FRMD5: variants seen among roughly 807,000 people sequenced by gnomAD.
FRMD5 encodes FERM domain-containing protein 5.
FRMD5 carries 20 observed loss-of-function variants against 69.0 expected under a neutral mutation model. The observed-to-expected ratio is 0.29, with a 90% CI of 0.20 to 0.42. FRMD5 has a LOEUF of 0.42. Among genes scored for constraint, FRMD5 ranks in the 10% least tolerant of loss-of-function variants. FRMD5 has a pLI of 1.00. For missense variants in FRMD5, 595 were observed against 708.6 expected (o/e 0.84, Z 1.82); for synonymous variants, 271 against 260.1 (o/e 1.04, Z -0.40).
chr15:44,078,586 A>C (rs977007354), intron 1 of FRMD5, among the ~76,000 whole-genome samples: 5 of 152,184 alleles, frequency 3.3e-5, no homozygotes, highest in Admixed American at 3.3e-4. Flanking sequence ...ACAGACATAT[A>C]GACCAAAGGA....
chr15:44,059,794 T>C (rs1893018074), intron 1 of FRMD5, among the ~76,000 whole-genome samples: 2 of 152,116 alleles, frequency 1.3e-5, no homozygotes, highest in Admixed American at 6.6e-5. Context: ...GGATTACAGG[T>C]GTGAGCCACT....
At chr15:44,016,307 C>A (rs887534749) in intron 1 of FRMD5, among the ~76,000 whole-genome samples, 4 of 152,122 alleles carry the variant, frequency 2.6e-5, no homozygotes, top group Non-Finnish European at 5.9e-5. Context: ...ACTAAGAAAC[C>A]ATCAGAGTCC....
At chr15:44,121,564 G>A (rs1215948068) in intron 1 of FRMD5, among the ~76,000 whole-genome samples, 1 of 151,750 alleles carries the variant, frequency 6.6e-6, no homozygotes, top group Non-Finnish European at 1.5e-5. Context: ...AATCTCTCAA[G>A]CTCGAGGTTT....
At chr15:44,012,283 C>A (rs1890753469) in intron 1 of FRMD5, among the ~76,000 whole-genome samples, 1 of 152,184 alleles carries the variant, frequency 6.6e-6, no homozygotes, top group Non-Finnish European at 1.5e-5. Flanking sequence ...AATGACACTT[C>A]CAAAGTCTTC....
At chr15:44,092,226 C>T (rs2140487168) in intron 1 of FRMD5, among the ~76,000 whole-genome samples, 1 of 152,244 alleles carries the variant, frequency 6.6e-6, no homozygotes. Context: ...TCCACTTCCA[C>T]AATGTTCTAC....
chr15:44,043,529 A>G (rs1892296214), intron 1 of FRMD5, among the ~76,000 whole-genome samples: 1 of 152,226 alleles, frequency 6.6e-6, no homozygotes, highest in Non-Finnish European at 1.5e-5. Flanking sequence ...AAACTATACT[A>G]CAAGGCTACA....
intron 1 of FRMD5, among the ~76,000 whole-genome samples, chr15:44,187,104 C>G (rs1314742314): frequency 6.6e-6 from 1 of 152,144 alleles, no homozygotes; most frequent in Non-Finnish European, 1.5e-5. Flanking sequence ...CAAACATCGG[C>G]TAAATGTTAC....
intron 1 of FRMD5, among the ~76,000 whole-genome samples, chr15:44,054,952 C>T (rs995220272): frequency 5.3e-5 from 8 of 151,934 alleles, no homozygotes; most frequent in Admixed American, 1.3e-4. Context: ...CGCCTGTAAT[C>T]CCAGCTACTC....
intron 1 of FRMD5, among the ~76,000 whole-genome samples, chr15:43,992,443 A>G (rs560672256): frequency 2.0e-5 from 3 of 150,242 alleles, no homozygotes; most frequent in African/African-American, 4.9e-5. Flanking sequence ...CCGTGGTGCG[A>G]TATCAGCTCA....
At chr15:43,958,152 T>A (rs1264640137) in intron 1 of FRMD5, among the ~76,000 whole-genome samples, 1 of 152,214 alleles carries the variant, frequency 6.6e-6, no homozygotes, top group African/African-American at 2.4e-5. Context: ...TAAATGTCAT[T>A]CCAAATAATG....
chr15:44,188,066 C>A (rs182269058), intron 1 of FRMD5, among the ~76,000 whole-genome samples: 1 of 152,300 alleles, frequency 6.6e-6, no homozygotes, highest in East Asian at 1.9e-4. Context: ...AAGTTGTAAG[C>A]CCTTCGACAA....
intron 1 of FRMD5, among the ~76,000 whole-genome samples, chr15:44,106,564 ACCT>A (rs1377770534): frequency 6.6e-6 from 1 of 152,074 alleles, no homozygotes; most frequent in Non-Finnish European, 1.5e-5. Context: ...TTCAGTGGTC[ACCT>A]CCTCTAGGAA....
chr15:43,971,850 G>A (rs909852146), intron 1 of FRMD5, among the ~76,000 whole-genome samples: 1 of 148,746 alleles, frequency 6.7e-6, no homozygotes, highest in African/African-American at 2.4e-5. Context: ...GGGATTACAG[G>A]CGCCCGCCAC....
intron 1 of FRMD5, among the ~76,000 whole-genome samples, chr15:43,965,684 C>T (rs907848859): frequency 7.3e-5 from 11 of 149,874 alleles, no homozygotes; most frequent in Non-Finnish European, 1.0e-4. Context: ...CAGGTTCAAG[C>T]GATTCTCCTG....
chr15:43,935,883 A>G (rs1044098826), intron 1 of FRMD5, among the ~76,000 whole-genome samples: 3 of 152,236 alleles, frequency 2.0e-5, no homozygotes, highest in African/African-American at 4.8e-5. Flanking sequence ...CCATTGGGAA[A>G]AACACTCAAT....
chr15:43,907,406 G>A (rs778788417), intron 5 of FRMD5, among the ~76,000 whole-genome samples: 1 of 152,050 alleles, frequency 6.6e-6, no homozygotes, highest in Non-Finnish European at 1.5e-5. Context: ...GGGTCTCACT[G>A]TCATGCACGC....
At chr15:43,949,069 A>C (rs2089988666) in intron 1 of FRMD5, among the ~76,000 whole-genome samples, 1 of 152,238 alleles carries the variant, frequency 6.6e-6, no homozygotes, top group African/African-American at 2.4e-5. Context: ...AAGAAGCACT[A>C]AGCAGGCTTC....
rs75152662 is a variant in FRMD5, at chr15:44,097,044, T to G, written c.102+97909A>C. 5.9e-5 allele frequency among the ~76,000 whole-genome samples: 9 copies of G among 152,316 alleles called. No individual in the cohort carries two copies. The East Asian group carries it at 1.4e-3, about 23-fold the overall frequency. On this transcript the variant is annotated intron_variant, in intron 1 of 13. Coordinates refer to ENST00000417257, the MANE Select transcript of FRMD5 (RefSeq NM_032892.5). Reference sequence around the variant, plus strand: ...GTAGAGAATGGATGTCTCGAAGAGTTTATTCATAGATTTACTGATAACAGT... The same window carrying G: ...GTAGAGAATGGATGTCTCGAAGAGTGTATTCATAGATTTACTGATAACAGT...
intron 5 of FRMD5, among the ~76,000 whole-genome samples, 195 bp downstream of exon 5, chr15:43,909,687 C>G (rs2089249706): frequency 6.6e-6 from 1 of 152,066 alleles, no homozygotes; most frequent in South Asian, 2.1e-4. Context: ...ACCATGTTGG[C>G]CAGTCTGGTC....
Sources: gnomAD v4.1 joint callset for allele counts (sites outside exome capture counted in the v4.1 genomes callset) on GRCh38, gnomAD v4.1.1 for gene constraint, MANE v1.5 for transcripts, NCBI Gene and HGNC (gene_info 2026-07-23, HGNC 2026-07-21) for gene names.